The following NAGPA variants were observed in gnomAD, a reference collection of about 807,000 sequenced individuals.
NAGPA encodes N-acetylglucosamine-1-phosphodiester alpha-N-acetylglucosaminidase.
A neutral mutation model predicts 48.5 loss-of-function variants in NAGPA; 56 were observed. The observed-to-expected ratio is 1.15, with a 90% confidence interval of 0.93 to 1.44. The LOEUF is 1.44. Ranked by LOEUF, NAGPA falls within the 40% of genes most tolerant of loss-of-function variation. NAGPA has a pLI of 0.00. For synonymous variants in NAGPA, 399 were observed against 315.5 expected (o/e 1.26, Z -2.81); for missense variants, 888 against 735.0 (o/e 1.21, Z -2.41).
In NAGPA at chr16:5,027,881, C is replaced by T; in HGVS notation, c.1139G>A (p.Cys380Tyr). 2.5e-6 allele frequency: 4 copies of T among 1,585,514 alleles called. No homozygotes were observed. Among genetic ancestry groups the T allele is most frequent in the Non-Finnish European group, 3.4e-6 (4 of 1,166,242 alleles). Reference protein sequence around the residue: ...HGLCTETGCRCDAGWTGSNCS... With the variant: ...HGLCTETGCRYDAGWTGSNCS... ...GTTGGACCCGGTCCATCCGGCATCA[C>T]AGCGGCAGCCGGCTGCCGAGACAAG... Residue 380 changes from cysteine (C) to tyrosine (Y), a missense_variant, in exon 7 of 10, where the codon TGT (cysteine) becomes TAT (tyrosine). Transcript: ENST00000312251.
rs377257072 is a variant in NAGPA at position 5,033,641 on chromosome 16, G to A, written c.174C>T (p.Asn58=). 1.0e-4 allele frequency: 161 copies of A among 1,538,850 alleles called. No homozygotes were observed. Among genetic ancestry groups the A allele is most frequent in the Non-Finnish European group, 1.3e-4 (150 of 1,153,998 alleles). ...GCGGAGGCCAACTCTCGTGCTCGCG[G>A]TTGCCGGCGCGCACCCGTGTGCAGT... ...PRDCTRVRAG[N]REHESWPPPP... is the part of the protein sequence containing the mutation. Residue 58 remains asparagine, a synonymous_variant, in exon 2 of 10, where the codon AAC becomes AAT. Transcript: ENST00000312251. The surrounding 1 kb of genome is among the most constrained non-coding windows in gnomAD (Gnocchi z 4.2).
At position 5,031,775 on chromosome 16, in the gene NAGPA, C is replaced by T. The variant is rs754779256; in HGVS notation, c.652G>A (p.Ala218Thr). 11 of 1,614,044 alleles carry T rather than the reference C, an allele frequency of 6.8e-6. No homozygotes were observed. The South Asian group carries it at 1.2e-4, about 18-fold the overall frequency. ...TCCTGTGTCTCGTCACACTCTGTGG[C>T]TTGGCTCTCGTTGATGTAGATGCTT... ...NGSIYINESQ[A>T]TECDETQETG... is the part of the protein sequence containing the mutation. The change falls in exon 3 of 10, where the codon GCC becomes ACC. Residue 218 changes from alanine (A) to threonine (T), a missense_variant. Coordinates refer to ENST00000312251, the MANE Select transcript of NAGPA (RefSeq NM_016256.4).
intron 5 of NAGPA, chr16:5,028,450 G>A (rs987542796): frequency 2.8e-6 from 2 of 719,546 alleles, no homozygotes; most frequent in African/African-American, 3.5e-5. Flanking sequence ...GCCCACACTG[G>A]TCTTAAACTC....
chr16:5,032,725 C>A (rs1164247171), intron 2 of NAGPA, among the ~76,000 whole-genome samples: 1 of 151,988 alleles, frequency 6.6e-6, no homozygotes, highest in African/African-American at 2.4e-5. Context: ...TTTCTGACAC[C>A]CCACTCCTTT....
chr16:5,029,925 A>T, intron 4 of NAGPA: 1 of 245,388 alleles, frequency 4.1e-6, no homozygotes, highest in South Asian at 5.1e-5. Flanking sequence ...CCCTGTCTCA[A>T]AGAAACAAAC....
At chr16:5,032,483 A>G (rs1376365130) in intron 2 of NAGPA, among the ~76,000 whole-genome samples, 1 of 131,368 alleles carries the variant, frequency 7.6e-6, no homozygotes, top group South Asian at 2.6e-4. Context: ...TGGTGAACCC[A>G]CTCCCCCGTT....
In NAGPA at chr16:5,033,183, T is replaced by G. The variant is rs1456160561; in HGVS notation, c.542+90A>C. The G allele has an allele frequency of 6.9e-7, 1 of 1,440,240 alleles. No individual in the cohort carries two copies. Among genetic ancestry groups the G allele is most frequent in the Non-Finnish European group, 9.4e-7 (1 of 1,061,524 alleles). The allele number at this position is 1,440,240 out of a possible 1,614,324, so 89.2% of individuals were successfully genotyped here. A position where few individuals can be genotyped will look rare whatever the true frequency, so the allele number is the denominator to read the frequency against. On this transcript the variant is annotated intron_variant, in intron 2 of 9. Coordinates refer to ENST00000312251, the MANE Select transcript of NAGPA (RefSeq NM_016256.4). This position sits in a 1 kb window ranked among gnomAD's most constrained non-coding sequence, Gnocchi z 4.2. ...GCAGAGGAGGAAACAGGGGCTCAGC[T>G]TGGTTAAGTGACTTGAACACGGAGG...
At chr16:5,029,539 C>T (rs1956064796) in intron 4 of NAGPA, 3 of 197,308 alleles carry the variant, frequency 1.5e-5, no homozygotes, top group Admixed American at 5.3e-5. Flanking sequence ...GCCTAACCAG[C>T]ATCTTGGTTT....
chr16:5,027,961 C>A lies in NAGPA; in HGVS notation c.1126+19G>T. The A allele has an allele frequency of 1.9e-6, 3 of 1,612,028 alleles. No homozygotes were observed. The highest frequency in any genetic ancestry group is 2.5e-6 in the Non-Finnish European group (3 of 1,179,118). On this transcript the variant is annotated intron_variant, in intron 6 of 9. Transcript: ENST00000312251. ...AAGGCAGGGCTGGGCAGAGCCCCCT[C>A]CCCAGAACCCCCACTCACTCTCCGT...
rs1956020494 is a variant in NAGPA at position 5,027,357 on chromosome 16, C to A, written c.1197G>T (p.Gly399=). The A allele has an allele frequency of 6.2e-7, 1 of 1,613,950 alleles. No individual in the cohort carries two copies. The highest frequency in any genetic ancestry group is 1.1e-5 in the South Asian group (1 of 91,066). Residue 399 remains glycine, a synonymous_variant, in exon 8 of 10, where the codon GGG becomes GGT. Transcript: ENST00000312251. ...CSEECPLGWH[G]PGCQRPCKCE... is the part of the protein sequence containing the mutation. ...ACTTACAAGGCCTCTGGCAGCCCGG[C>A]CCATGCCAGCCAAGGGGACACTCTA... is the stretch of plus-strand genomic sequence containing the variant.
chr16:5,032,501 C>CA (rs905669700), intron 2 of NAGPA, among the ~76,000 whole-genome samples: 92 of 151,360 alleles, frequency 6.1e-4, no homozygotes, highest in Middle Eastern at 3.4e-3. Context: ...GTTCCCCACC[C>CA]CATCCCGTCT....
At chr16:5,031,484 C>T (rs902694296) in intron 3 of NAGPA, 37 of 486,702 alleles carry the variant, frequency 7.6e-5, no homozygotes, top group East Asian at 3.6e-4. Context: ...CCCACAGCTC[C>T]GGTCCCCATC....
intron 9 of NAGPA, among the ~76,000 whole-genome samples, chr16:5,026,513 AAC>A (rs1956003781): frequency 6.6e-6 from 1 of 152,080 alleles, no homozygotes; most frequent in Non-Finnish European, 1.5e-5. Flanking sequence ...CAGCCTAGGC[AAC>A]AGAGTGAGAC....
Position 5,033,177 on chromosome 16 carries a change from C to A in NAGPA, c.542+96G>T. ...CATTCTGCAGAGGAGGAAACAGGGG[C>A]TCAGCTTGGTTAAGTGACTTGAACA... On this transcript the variant is annotated intron_variant, in intron 2 of 9. Transcript: ENST00000312251. The surrounding 1 kb of genome is among the most constrained non-coding windows in gnomAD (Gnocchi z 4.2). The A allele has an allele frequency of 2.9e-6, 4 of 1,402,856 alleles. No homozygotes were observed. The highest frequency in any genetic ancestry group is 3.9e-6 in the Non-Finnish European group (4 of 1,027,950). 86.9% of individuals were successfully genotyped at this position (1,402,856 alleles called of 1,614,324 possible). A position where few individuals can be genotyped will look rare whatever the true frequency, so the allele number is the denominator to read the frequency against.
Position 5,033,363 on chromosome 16 carries a change from T to G in NAGPA, c.452A>C (p.Asn151Thr). The G allele has an allele frequency of 6.3e-7, 1 of 1,597,726 alleles. No homozygotes were observed. The change falls in exon 2 of 10, where the codon AAC becomes ACC. Residue 151 changes from asparagine to threonine, a missense_variant. Physicochemically the swap from Asn to Thr is moderately conservative, Grantham distance 65. Transcript: ENST00000312251. The surrounding 1 kb of genome is among the most constrained non-coding windows in gnomAD (Gnocchi z 4.2). Reference protein sequence around the residue: ...FRMNSGECLGNVVSDERRVSS... With the variant: ...FRMNSGECLGTVVSDERRVSS... ...CACCCGCCGCTCGTCGCTCACCACG[T>G]TCCCCAGGCACTCGCCCGAGTTCAT...
In NAGPA at chr16:5,031,648, G is replaced by C; in HGVS notation, c.682+97C>G. Reference sequence around the variant, plus strand: ...CCAGAATAGTGCTGGGCACAAAGTAGCTGCTCAATACTTGTTGAAAGACTT... The same window carrying C: ...CCAGAATAGTGCTGGGCACAAAGTACCTGCTCAATACTTGTTGAAAGACTT... On this transcript the variant is annotated intron_variant, in intron 3 of 9. Coordinates refer to ENST00000312251, the MANE Select transcript of NAGPA (RefSeq NM_016256.4). 2.0e-6 allele frequency: 3 copies of C among 1,526,344 alleles called. No homozygotes were observed. The East Asian group carries it at 6.8e-5, about 34-fold the overall frequency. 94.6% of individuals were successfully genotyped at this position (1,526,344 alleles called of 1,614,324 possible). A position where few individuals can be genotyped will look rare whatever the true frequency, so the allele number is the denominator to read the frequency against.
rs746356156 is a variant in NAGPA at position 5,028,955 on chromosome 16, G to C, written c.845C>G (p.Ala282Gly). 2.1e-5 allele frequency: 34 copies of C among 1,613,906 alleles called. No individual in the cohort carries two copies. Among genetic ancestry groups the C allele is most frequent in the Non-Finnish European group, 2.6e-5 (31 of 1,180,052 alleles). The change falls in exon 5 of 10, where the codon GCC becomes GGC. Residue 282 changes from alanine (A) to glycine (G), a missense_variant. Ala to Gly is a moderately conservative substitution (Grantham distance 60). Coordinates refer to ENST00000312251, the MANE Select transcript of NAGPA (RefSeq NM_016256.4). ...AGAGCCACCCCCATCCAGGTTGATG[G>C]CGTTGACCACGTCCTGTTTCAGCAG... is the stretch of plus-strand genomic sequence containing the variant. ...EFLLKQDVVN[A>G]INLDGGGSAT...
Position 5,032,900 on chromosome 16 carries a change from C to T in NAGPA, c.542+373G>A, listed in dbSNP as rs1407091258. 9.9e-6 allele frequency: 3 copies of T among 302,780 alleles called. No individual in the cohort carries two copies. The East Asian group carries it at 2.6e-4, about 26-fold the overall frequency. The allele number at this position is 302,780 out of a possible 1,614,324, so 18.8% of individuals were successfully genotyped here. A position where few individuals can be genotyped will look rare whatever the true frequency, so the allele number is the denominator to read the frequency against. On this transcript the variant is annotated intron_variant, in intron 2 of 9. Transcript: ENST00000312251. ...CTCGGAGAGGCGTGTTCCAGATCAC[C>T]CTCCCTAAAATCAACACTATTTACA...
rs778638792 is a variant in NAGPA at position 5,033,558 on chromosome 16, C to A, written c.257G>T (p.Arg86Met). Residue 86 changes from arginine (R) to methionine (M), a missense_variant, in exon 2 of 10, where the codon AGG becomes ATG. Transcript: ENST00000312251. This position sits in a 1 kb window ranked among gnomAD's most constrained non-coding sequence, Gnocchi z 4.2. ...CAGGTGGCCGGCCACCGCGCGGTCC[C>A]TGAAGTGCGACACGAAGGTGCGCAC... ...LAVRTFVSHF[R>M]DRAVAGHLTR... 6 of 1,506,150 alleles carry A rather than the reference C, an allele frequency of 4.0e-6. No homozygotes were observed. Among genetic ancestry groups the A allele is most frequent in the Non-Finnish European group, 5.3e-6 (6 of 1,136,862 alleles). 93.3% of individuals were successfully genotyped at this position (1,506,150 alleles called of 1,614,324 possible).
Sources: gnomAD v4.1 joint callset for allele counts (sites outside exome capture counted in the v4.1 genomes callset) on GRCh38, gnomAD v4.1.1 for gene constraint, Gnocchi (gnomAD v3.1) non-coding constraint, MANE v1.5 for transcripts, NCBI Gene and HGNC (gene_info 2026-07-23, HGNC 2026-07-21) for gene names.